Variants in RGS7 observed in about 807,000 individuals in gnomAD.
RGS7 encodes regulator of G protein signaling 7.
A neutral mutation model predicts 81.1 loss-of-function variants in RGS7; 27 were observed. The ratio of observed to expected loss-of-function variants is 0.33; its 90% CI spans 0.25 to 0.46. The LOEUF (loss-of-function observed/expected upper bound fraction) is 0.46. RGS7 is among the 20% of genes least tolerant of loss of function. The pLI is 1.00. For synonymous variants in RGS7, 208 were observed against 207.7 expected (o/e 1.00, Z -0.01); for missense variants, 396 against 607.4 (o/e 0.65, Z 3.66).
At chr1:240,962,225 T>C (rs1017204152) in intron 4 of RGS7, among the ~76,000 whole-genome samples, 38 of 152,280 alleles carry the variant, frequency 2.5e-4, no homozygotes, top group Non-Finnish European at 3.2e-4. Context: ...CCCAGTCTTC[T>C]CTGCTTAAGC....
At chr1:240,975,711 A>G (rs914013008) in intron 4 of RGS7, among the ~76,000 whole-genome samples, 2 of 152,256 alleles carry the variant, frequency 1.3e-5, no homozygotes, top group Non-Finnish European at 2.9e-5. Context: ...TATTATCCAT[A>G]ATTAATATGA....
chr1:241,215,724 A>G (rs1213036656), intron 2 of RGS7, among the ~76,000 whole-genome samples: 1 of 152,182 alleles, frequency 6.6e-6, no homozygotes, highest in Non-Finnish European at 1.5e-5. Context: ...ATCTTAACCA[A>G]TGTCATTCCC....
chr1:240,915,340 CA>C (rs1672425435), intron 6 of RGS7, among the ~76,000 whole-genome samples: 3 of 152,082 alleles, frequency 2.0e-5, no homozygotes, highest in African/African-American at 7.2e-5. Context: ...GATCATGGCC[CA>C]GGGGTAGAGG....
At chr1:241,221,702 G>C (rs1021951842) in intron 2 of RGS7, among the ~76,000 whole-genome samples, 2 of 152,124 alleles carry the variant, frequency 1.3e-5, no homozygotes, top group African/African-American at 4.8e-5. Context: ...TCAGTTAAAG[G>C]CCTGTATATA....
chr1:241,048,606 T>C (rs949809390), intron 3 of RGS7, among the ~76,000 whole-genome samples: 2 of 152,192 alleles, frequency 1.3e-5, no homozygotes, highest in Admixed American at 6.5e-5. Context: ...AATAGATAAA[T>C]CAGGGCTGCG....
intron 9 of RGS7, among the ~76,000 whole-genome samples, chr1:240,840,500 C>G (rs1657739800): frequency 1.3e-5 from 2 of 152,184 alleles, no homozygotes; most frequent in African/African-American, 4.8e-5. Context: ...GTCTTGAACT[C>G]CTGACCTCAT....
chr1:241,033,057 T>C (rs1027971434), intron 3 of RGS7, among the ~76,000 whole-genome samples: 4 of 152,168 alleles, frequency 2.6e-5, no homozygotes, highest in South Asian at 2.1e-4. Context: ...AGTTCTGCTA[T>C]ATCAAAAAGA....
At chr1:241,094,174 T>G (rs1297841921) in intron 3 of RGS7, among the ~76,000 whole-genome samples, 1 of 151,958 alleles carries the variant, frequency 6.6e-6, no homozygotes, top group Non-Finnish European at 1.5e-5. Context: ...CTTCCTTTGC[T>G]GCTCTCTGCA....
At chr1:241,238,441 A>G (rs983333765) in intron 2 of RGS7, among the ~76,000 whole-genome samples, 8 of 152,188 alleles carry the variant, frequency 5.3e-5, no homozygotes, top group African/African-American at 1.9e-4. Flanking sequence ...ACCAAAACAG[A>G]CATCAACAAC....
intron 2 of RGS7, among the ~76,000 whole-genome samples, chr1:241,228,919 G>A (rs986340871): frequency 1.8e-4 from 28 of 152,188 alleles, no homozygotes; most frequent in Non-Finnish European, 4.0e-4. Flanking sequence ...TCGTACTAAC[G>A]TTAATTACCT....
intron 3 of RGS7, among the ~76,000 whole-genome samples, chr1:241,041,045 T>C (rs553393660): frequency 1.3e-5 from 2 of 152,294 alleles, no homozygotes; most frequent in African/African-American, 4.8e-5. Flanking sequence ...CTAAGGTTCA[T>C]GAATTCAAAG....
chr1:240,869,837 GGCTGAA>G (rs1572510769), intron 7 of RGS7, among the ~76,000 whole-genome samples: 1 of 152,318 alleles, frequency 6.6e-6, no homozygotes, highest in East Asian at 1.9e-4. Flanking sequence ...CTACTCCAGA[GGCTGAA>G]GCAGGAGAAT....
In RGS7 at chr1:241,163,003, T is replaced by G. The variant is rs115880035; in HGVS notation, c.79-64241A>C. On this transcript the variant is annotated intron_variant, in intron 2 of 18. Coordinates refer to ENST00000440928, the MANE Select transcript of RGS7 (RefSeq NM_001364886.1). The surrounding 1 kb of genome is among the most constrained non-coding windows in gnomAD (Gnocchi z 4.6). ...GACAATATTACTTTAAAAAATGTGT[T>G]GAAGATGGGAGTTAAATTGTTTTGG... 3.5e-3 allele frequency among the ~76,000 whole-genome samples: 539 copies of G among 152,298 alleles called. 6 individuals carry two copies. Among genetic ancestry groups the G allele is most frequent in the African/African-American group, 0.012 (500 of 41,562 alleles).
intron 3 of RGS7, among the ~76,000 whole-genome samples, chr1:241,087,684 C>T (rs968544472): frequency 1.3e-5 from 2 of 152,014 alleles, no homozygotes; most frequent in African/African-American, 4.8e-5. Flanking sequence ...TGCGGTGGCT[C>T]AGGCCTGTAA....
At chr1:240,802,854 T>C in intron 16 of RGS7, 50 bp downstream of exon 16, 1 of 1,183,262 alleles carries the variant, frequency 8.5e-7, no homozygotes, top group Non-Finnish European at 1.3e-6. Context: ...CTCCAAATAA[T>C]TATAACTGAG....
intron 6 of RGS7, among the ~76,000 whole-genome samples, chr1:240,883,905 G>A (rs921142829): frequency 2.6e-4 from 40 of 151,730 alleles, no homozygotes; most frequent in African/African-American, 9.7e-4. Context: ...GTGAAACCCC[G>A]TCTCTACTAA....
chr1:241,151,772 C>G (rs150532489), intron 2 of RGS7, among the ~76,000 whole-genome samples: 1 of 151,990 alleles, frequency 6.6e-6, no homozygotes, highest in Non-Finnish European at 1.5e-5. Context: ...AGAAGACACA[C>G]TATAGGATAA....
At chr1:240,779,049 G>A (rs753926850) in intron 18 of RGS7, among the ~76,000 whole-genome samples, 19 of 151,952 alleles carry the variant, frequency 1.3e-4, no homozygotes, top group African/African-American at 4.6e-4. Flanking sequence ...GGGGCTTTGC[G>A]AAGTGACCAT....
intron 9 of RGS7, among the ~76,000 whole-genome samples, chr1:240,857,327 A>G (rs530282788): frequency 2.0e-5 from 3 of 152,226 alleles, no homozygotes; most frequent in Admixed American, 2.0e-4. Flanking sequence ...CCCCTGTATT[A>G]TTAACATCTT....
Sources: allele counts gnomAD v4.1 joint callset (sites outside exome capture counted in the v4.1 genomes callset), GRCh38; gene constraint gnomAD v4.1.1; non-coding constraint Gnocchi (gnomAD v3.1); transcripts MANE v1.5; gene names NCBI Gene and HGNC (gene_info 2026-07-23, HGNC 2026-07-21).